The following KAZN variants were observed in gnomAD, a reference collection of about 807,000 sequenced individuals.
The protein encoded by KAZN is kazrin, periplakin interacting protein.
A neutral mutation model predicts 87.4 loss-of-function variants in KAZN; 40 were observed. The observed-to-expected ratio is 0.46, with a 90% CI of 0.36 to 0.60. KAZN has a LOEUF of 0.60. Among genes scored for constraint, KAZN ranks in the 20% least tolerant of loss-of-function variants. KAZN has a pLI of 0.00. For synonymous variants in KAZN, 466 were observed against 458.3 expected (o/e 1.02, Z -0.22); for missense variants, 898 against 1,073.9 (o/e 0.84, Z 2.29).
chr1:15,015,334 G>A (rs1669979301), intron 2 of KAZN, among the ~76,000 whole-genome samples: 1 of 152,024 alleles, frequency 6.6e-6, no homozygotes, highest in Non-Finnish European at 1.5e-5. Context: ...TGTATTTTTA[G>A]TAGAGACGGG....
chr1:15,071,204 A>G (rs917640607), intron 8 of KAZN, among the ~76,000 whole-genome samples: 1 of 152,168 alleles, frequency 6.6e-6, no homozygotes, highest in African/African-American at 2.4e-5. Context: ...AATTGAGGGT[A>G]TAAGTCTGGG....
At chr1:14,328,441 C>T (rs771681054) in intron 2 of KAZN, among the ~76,000 whole-genome samples, 9 of 152,192 alleles carry the variant, frequency 5.9e-5, no homozygotes, top group South Asian at 2.1e-4. Context: ...TGGTGGCTGA[C>T]GCCTGTAATC....
intron 1 of KAZN, among the ~76,000 whole-genome samples, chr1:14,100,895 G>A (rs965102818): frequency 6.6e-6 from 1 of 152,134 alleles, no homozygotes; most frequent in Non-Finnish European, 1.5e-5. Context: ...TCATGATAGT[G>A]AATAAGTTTC....
At chr1:13,917,930 T>C (rs927003305) in intron 1 of KAZN, among the ~76,000 whole-genome samples, 1 of 152,172 alleles carries the variant, frequency 6.6e-6, no homozygotes, top group African/African-American at 2.4e-5. Context: ...AAGCCCACTA[T>C]TGGGACCTAC....
Position 15,081,759 on chromosome 1 carries a change from T to C in KAZN, c.1223-12421T>C, listed in dbSNP as rs1640014882. On this transcript the variant is annotated intron_variant, in intron 8 of 14. Coordinates refer to ENST00000376030, the MANE Select transcript of KAZN (RefSeq NM_201628.3). This position sits in a 1 kb window ranked among gnomAD's most constrained non-coding sequence, Gnocchi z 4.1. ...GGTGCAGGGATTGGAGAGGGGGAAT[T>C]AGGGGCATCGGGGAAATGCAGGAAG... is the stretch of plus-strand genomic sequence containing the variant. Among the ~76,000 whole-genome samples the C allele has an allele frequency of 6.6e-6, 1 of 151,560 alleles. No homozygotes were observed.
intron 2 of KAZN, among the ~76,000 whole-genome samples, chr1:14,585,674 G>A (rs564443179): frequency 2.6e-5 from 4 of 152,144 alleles, no homozygotes; most frequent in Non-Finnish European, 5.9e-5. Flanking sequence ...CGAGGCAAAA[G>A]GCAAGATAGA....
intron 1 of KAZN, among the ~76,000 whole-genome samples, chr1:13,982,538 C>T (rs12029404): frequency 2.6e-5 from 4 of 152,068 alleles, no homozygotes; most frequent in Admixed American, 6.5e-5. Context: ...GCATGGAAAG[C>T]GACCCGAGGT....
Position 14,184,236 on chromosome 1 carries a change from C to A in KAZN, c.249+3644C>A, listed in dbSNP as rs556853540. 6.6e-6 allele frequency among the ~76,000 whole-genome samples: 1 copy of A among 152,130 alleles called. No individual in the cohort carries two copies. The highest frequency in any genetic ancestry group is 2.1e-4 in the South Asian group (1 of 4,824). On this transcript the variant is annotated intron_variant, in intron 2 of 16. Transcript: ENST00000636203. This position sits in a 1 kb window ranked among gnomAD's most constrained non-coding sequence, Gnocchi z 4.2. ...GCTTTTCTTTGTCTTCTCCCTCTGC[C>A]CTTTTTCTCCCCACCCGACCCAGCA...
At chr1:13,929,729 G>A (rs1640435737) in intron 1 of KAZN, among the ~76,000 whole-genome samples, 1 of 152,176 alleles carries the variant, frequency 6.6e-6, no homozygotes. Context: ...GCTGGGAAGT[G>A]TTTGATATTT....
At chr1:14,583,884 G>A (rs1390661665) in intron 2 of KAZN, among the ~76,000 whole-genome samples, 1 of 152,166 alleles carries the variant, frequency 6.6e-6, no homozygotes, top group Non-Finnish European at 1.5e-5. Flanking sequence ...CTGGGAAGTT[G>A]TGCAGCTCAC....
rs1671115321 is a variant in KAZN, at chr1:14,514,378, A to ATT, written c.250-84604_250-84603insTT. Among the ~76,000 whole-genome samples, 12 of 12,442 alleles carry ATT rather than the reference A, an allele frequency of 9.6e-4. 1 individual carries two copies. Among genetic ancestry groups the ATT allele is most frequent in the African/African-American group, 3.9e-3 (11 of 2,818 alleles). The allele number at this position is 12,442 out of a possible 152,430, so 8.2% of individuals were successfully genotyped here. ...TTATATATATATTTATATATATAAT[A>ATT]TATATATATTATATATATTTATATA... On this transcript the variant is annotated intron_variant, in intron 2 of 16. Transcript: ENST00000636203.
intron 1 of KAZN, among the ~76,000 whole-genome samples, chr1:13,955,265 C>T (rs1030019659): frequency 4.6e-5 from 7 of 152,030 alleles, no homozygotes; most frequent in Middle Eastern, 3.4e-3. Context: ...TAATATGGTC[C>T]GTCTGCTCAT....
chr1:15,103,169 A>G (rs1324284477), intron 11 of KAZN, among the ~76,000 whole-genome samples, 190 bp from the exon 12 acceptor site: 5 of 152,212 alleles, frequency 3.3e-5, no homozygotes, highest in Non-Finnish European at 7.3e-5. Context: ...CGGGAAGCTG[A>G]GGCAGGAGAA....
chr1:14,924,118 C>G, intron 1 of KAZN: 1 of 982,428 alleles, frequency 1.0e-6, no homozygotes, highest in Non-Finnish European at 1.2e-6. Flanking sequence ...GAGGAGGAGC[C>G]GCGGGACTGA....
At chr1:14,400,253 C>T in intron 2 of KAZN, among the ~76,000 whole-genome samples, 1 of 152,158 alleles carries the variant, frequency 6.6e-6, no homozygotes, top group Middle Eastern at 3.2e-3. Context: ...CTCAACATCT[C>T]TAAGAGCAAT....
intron 2 of KAZN, among the ~76,000 whole-genome samples, chr1:14,264,292 G>A (rs1323708715): frequency 1.3e-5 from 2 of 152,164 alleles, no homozygotes; most frequent in African/African-American, 4.8e-5. Context: ...TGTCAGCCAG[G>A]AGTGGGTGTT....
At position 14,599,430 on chromosome 1, in the gene KAZN, G is replaced by A. The variant is rs1676769837; in HGVS notation, c.226+207G>A. ...ATTCACGAAAACCCGAGCGCAGTGT[G>A]CACGGGGTCACACGGTCACACCGGC... is the stretch of plus-strand genomic sequence containing the variant. On this transcript the variant is annotated intron_variant, in intron 1 of 14. Transcript: ENST00000376030. This position sits in a 1 kb window ranked among gnomAD's most constrained non-coding sequence, Gnocchi z 4.4. 6.6e-6 allele frequency among the ~76,000 whole-genome samples: 1 copy of A among 152,088 alleles called. No homozygotes were observed. Among genetic ancestry groups the A allele is most frequent in the African/African-American group, 2.4e-5 (1 of 41,420 alleles).
chr1:14,523,284 G>A (rs111768747), intron 2 of KAZN, among the ~76,000 whole-genome samples: 57 of 152,226 alleles, frequency 3.7e-4, no homozygotes, highest in African/African-American at 1.2e-3. Context: ...AGATTCTCTC[G>A]CTCTTCATGT....
intron 1 of KAZN, among the ~76,000 whole-genome samples, chr1:14,171,067 T>A (rs2100260313): frequency 6.6e-6 from 1 of 152,322 alleles, no homozygotes; most frequent in Admixed American, 6.5e-5. Flanking sequence ...TGTCCGGTTT[T>A]CATTTAGCAT....
Sources: gnomAD v4.1 joint callset for allele counts (sites outside exome capture counted in the v4.1 genomes callset) on GRCh38, gnomAD v4.1.1 for gene constraint, Gnocchi (gnomAD v3.1) non-coding constraint, MANE v1.5 for transcripts, NCBI Gene and HGNC (gene_info 2026-07-23, HGNC 2026-07-21) for gene names.